The following ARHGEF26 variants were observed in gnomAD, a reference collection of about 807,000 sequenced individuals.
The protein encoded by ARHGEF26 is Rho guanine nucleotide exchange factor 26.
A neutral mutation model predicts 89.4 loss-of-function variants in ARHGEF26; 59 were observed. The ratio of observed to expected loss-of-function variants is 0.66; its 90% CI spans 0.54 to 0.82. The LOEUF is 0.82. Among genes scored for constraint, ARHGEF26 ranks in the 40% least tolerant of loss-of-function variants. ARHGEF26 has a pLI of 0.00. For synonymous variants in ARHGEF26, 500 were observed against 428.4 expected, an observed-to-expected ratio of 1.17 and a Z score of -2.06; for missense variants, 1,234 against 1,085.6, an observed-to-expected ratio of 1.14 and a Z score of -1.92.
Position 154,203,393 on chromosome 3 carries a change from G to A in ARHGEF26, c.1845+8675G>A, listed in dbSNP as rs149948277. The stretch of plus-strand genomic sequence containing the variant: ...AGCTTTTTGATGTGCTGCTGGATTC[G>A]GGTTACCAGTATTTTATTGAGATCT... On this transcript the variant is annotated intron_variant, in intron 9 of 14. Coordinates refer to ENST00000465093, the MANE Select transcript of ARHGEF26 (RefSeq NM_015595.4). Among the ~76,000 whole-genome samples the A allele has an allele frequency of 9.2e-4, 140 of 152,008 alleles. 1 individual carries two copies. Among genetic ancestry groups the A allele is most frequent in the African/African-American group, 3.3e-3 (136 of 41,466 alleles).
chr3:154,161,302 T>TA (rs1711649710), intron 6 of ARHGEF26, among the ~76,000 whole-genome samples: 1 of 151,846 alleles, frequency 6.6e-6, no homozygotes, highest in African/African-American at 2.4e-5. Context: ...AGCAGAAATA[T>TA]AAAAAGCCTC....
chr3:154,147,038 G>A (rs1719744091), intron 4 of ARHGEF26, among the ~76,000 whole-genome samples: 1 of 152,224 alleles, frequency 6.6e-6, no homozygotes, highest in Non-Finnish European at 1.5e-5. Context: ...CTGTCTGTGT[G>A]TTTAAAGGAG....
In ARHGEF26 at chr3:154,254,047, C is replaced by G. The variant is rs1203429213; in HGVS notation, c.2369-673C>G. 2.6e-5 allele frequency among the ~76,000 whole-genome samples: 4 copies of G among 152,272 alleles called. No individual in the cohort carries two copies. The East Asian group carries it at 7.7e-4, about 29-fold the overall frequency. On this transcript the variant is annotated intron_variant, in intron 13 of 14. Transcript: ENST00000465093. ...TCTCCTGCCTCAGCCTCCCAAGTAG[C>G]TGAGACTACAGGCGCCCGCCACCAT...
intron 12 of ARHGEF26, among the ~76,000 whole-genome samples, 165 bp from the exon 13 acceptor site, chr3:154,252,949 TAG>T (rs1037455621): frequency 6.6e-6 from 1 of 152,216 alleles, no homozygotes; most frequent in Non-Finnish European, 1.5e-5. Flanking sequence ...CTGCTTATTT[TAG>T]ACTTTCCAGC....
At chr3:154,235,358 G>T (rs1389253096) in intron 11 of ARHGEF26, among the ~76,000 whole-genome samples, 1 of 152,078 alleles carries the variant, frequency 6.6e-6, no homozygotes, top group Non-Finnish European at 1.5e-5. Flanking sequence ...CATAAAGTGG[G>T]TTTTGTCATA....
At chr3:154,128,711 C>T (rs535374979) in intron 3 of ARHGEF26, among the ~76,000 whole-genome samples, 25 of 152,194 alleles carry the variant, frequency 1.6e-4, no homozygotes, top group Non-Finnish European at 2.9e-4. Context: ...TCATCAGAGT[C>T]AACATCAAGG....
intron 11 of ARHGEF26, among the ~76,000 whole-genome samples, chr3:154,238,333 AATTAATACAG>A (rs975293052): frequency 5.3e-5 from 8 of 152,188 alleles, no homozygotes; most frequent in African/African-American, 1.9e-4. Context: ...ACAATCTTTT[AATTAATACAG>A]ATTACTATCC....
At chr3:154,175,786 A>C (rs1220228027) in intron 6 of ARHGEF26, among the ~76,000 whole-genome samples, 1 of 152,194 alleles carries the variant, frequency 6.6e-6, no homozygotes, top group Admixed American at 6.5e-5. Flanking sequence ...TTTGTTTTAC[A>C]AAGAAGCCAG....
chr3:154,249,762 C>T (rs913433224), intron 12 of ARHGEF26, among the ~76,000 whole-genome samples: 3 of 152,162 alleles, frequency 2.0e-5, no homozygotes, highest in African/African-American at 7.2e-5. Flanking sequence ...GGATTCAGTG[C>T]AGCATTGCTT....
At chr3:154,184,550 G>A (rs913983783) in intron 6 of ARHGEF26, among the ~76,000 whole-genome samples, 2 of 152,082 alleles carry the variant, frequency 1.3e-5, no homozygotes, top group Non-Finnish European at 2.9e-5. Flanking sequence ...TTTATTGACC[G>A]GGTGGAAACC....
chr3:154,189,320 T>C (rs976779140), intron 7 of ARHGEF26, among the ~76,000 whole-genome samples: 3 of 151,258 alleles, frequency 2.0e-5, no homozygotes, highest in African/African-American at 4.9e-5. Context: ...AGGGGATTTG[T>C]TGCAGTTGAT....
At chr3:154,181,941 A>G (rs1175537913) in intron 6 of ARHGEF26, among the ~76,000 whole-genome samples, 1 of 152,150 alleles carries the variant, frequency 6.6e-6, no homozygotes, top group Non-Finnish European at 1.5e-5. Flanking sequence ...TATTTAAAAC[A>G]ATAAATTTCA....
intron 10 of ARHGEF26, among the ~76,000 whole-genome samples, chr3:154,224,836 T>C (rs1716376678): frequency 6.6e-6 from 1 of 152,232 alleles, no homozygotes; most frequent in South Asian, 2.1e-4. Flanking sequence ...AAAAGCTCTT[T>C]ATAAAGTTTA....
intron 11 of ARHGEF26, among the ~76,000 whole-genome samples, chr3:154,234,900 G>A (rs1225895043): frequency 6.6e-6 from 1 of 152,098 alleles, no homozygotes; most frequent in East Asian, 1.9e-4. Context: ...TGAGTAGCTG[G>A]GACTACAGGC....
intron 10 of ARHGEF26, among the ~76,000 whole-genome samples, chr3:154,220,264 A>AC (rs1716044799): frequency 1.3e-5 from 2 of 152,218 alleles, no homozygotes; most frequent in Admixed American, 1.3e-4. Context: ...TGTGGAAGGC[A>AC]GTAGATAAAA....
At chr3:154,212,201 T>C (rs2689330) in intron 9 of ARHGEF26, among the ~76,000 whole-genome samples, 138,726 of 151,988 alleles carry the variant, frequency 0.91, 63,559 homozygotes, top group East Asian at 1. Flanking sequence ...TAGCCTGGCA[T>C]ACAGCTGTGG....
At chr3:154,159,932 G>C (rs1053384667) in intron 6 of ARHGEF26, among the ~76,000 whole-genome samples, 1 of 151,986 alleles carries the variant, frequency 6.6e-6, no homozygotes, top group Admixed American at 6.6e-5. Flanking sequence ...TGAAGTAATG[G>C]CTGTTGCTAT....
chr3:154,149,258 G>T, intron 4 of ARHGEF26, 131 bp from the exon 5 acceptor site: 1 of 557,098 alleles, frequency 1.8e-6, no homozygotes, highest in African/African-American at 1.9e-5. Context: ...AATTAATATT[G>T]ATGAATTCAA....
chr3:154,145,243 A>G (rs1719628996), intron 4 of ARHGEF26, among the ~76,000 whole-genome samples: 1 of 152,222 alleles, frequency 6.6e-6, no homozygotes, highest in Non-Finnish European at 1.5e-5. Context: ...TGTTATTTAC[A>G]GTGAAAGAAC....
Sources: allele counts gnomAD v4.1 joint callset (sites outside exome capture counted in the v4.1 genomes callset), GRCh38; gene constraint gnomAD v4.1.1; transcripts MANE v1.5; gene names NCBI Gene and HGNC (gene_info 2026-07-23, HGNC 2026-07-21).